COL27A1: variants seen among roughly 807,000 people sequenced by gnomAD.
The protein encoded by COL27A1 is collagen type XXVII alpha 1 chain.
COL27A1 carries 106 observed loss-of-function variants against 251.3 expected under a neutral mutation model. The ratio of observed to expected loss-of-function variants is 0.42; its 90% CI spans 0.36 to 0.50. COL27A1 has a LOEUF of 0.50. Among genes scored for constraint, COL27A1 ranks in the 20% least tolerant of loss-of-function variants. The pLI is 0.00. For missense variants in COL27A1, 2,325 were observed against 2,522.8 expected, an observed-to-expected ratio of 0.92 and a Z score of 1.68; for synonymous variants, 1,000 against 986.3, an observed-to-expected ratio of 1.01 and a Z score of -0.26.
At chr9:114,163,642 C>T (rs918937919) in intron 2 of COL27A1, among the ~76,000 whole-genome samples, 1 of 152,226 alleles carries the variant, frequency 6.6e-6, no homozygotes, top group Non-Finnish European at 1.5e-5. Flanking sequence ...CACGCCCAGC[C>T]CGTGTGCTGG....
chr9:114,202,185 T>C (rs1829626107), intron 7 of COL27A1, among the ~76,000 whole-genome samples: 2 of 152,244 alleles, frequency 1.3e-5, no homozygotes, highest in African/African-American at 4.8e-5. Flanking sequence ...AATCTTCTCC[T>C]GGGATTTCAC....
chr9:114,155,928 G>T lies in COL27A1; in HGVS notation c.-23G>T. On this transcript the variant is annotated 5_prime_UTR_variant, in exon 1 of 61. The change creates a premature stop within an existing upstream ORF in the 5' untranslated region. Transcript: ENST00000356083. The surrounding 1 kb of genome is among the most constrained non-coding windows in gnomAD (Gnocchi z 5.5). The stretch of plus-strand genomic sequence containing the variant: ...CGCCCACACTTGCCCCCCGGGCTCG[G>T]GAGCATGAAGTAGGGGCCTGCCATG... 1 of 1,241,600 alleles carries T rather than the reference G, an allele frequency of 8.1e-7. No homozygotes were observed. 76.9% of individuals were successfully genotyped at this position (1,241,600 alleles called of 1,614,324 possible).
In COL27A1 at chr9:114,167,958, A is replaced by G; in HGVS notation, c.403A>G (p.Thr135Ala). ...GGGCCTGCAGTTCCTCCCCGGCAAG[A>G]CGGTCGTCCACCTCGGGTCCCGGCG... The part of the protein sequence containing the change: ...QLGLQFLPGK[T>A]VVHLGSRRSV... Residue 135 changes from threonine (T) to alanine (A), a missense_variant, in exon 3 of 61, where the codon ACG becomes GCG. Thr to Ala is a moderately conservative substitution (Grantham distance 58, BLOSUM62 0). This residue lies in a region of COL27A1 where 1,183 missense variants were observed against 1,144.1 expected (regional missense o/e 1.03). Coordinates refer to ENST00000356083, the MANE Select transcript of COL27A1 (RefSeq NM_032888.4). 1 of 1,607,728 alleles carries G rather than the reference A, an allele frequency of 6.2e-7. No individual in the cohort carries two copies. The highest frequency in any genetic ancestry group is 8.5e-7 in the Non-Finnish European group (1 of 1,179,830).
At chr9:114,204,905 C>A (rs1004458603) in intron 7 of COL27A1, among the ~76,000 whole-genome samples, 197 bp from the exon 8 acceptor site, 4 of 152,156 alleles carry the variant, frequency 2.6e-5, no homozygotes, top group Admixed American at 2.6e-4. Flanking sequence ...CCACTGGGAG[C>A]AGAGAGAAAA....
chr9:114,302,132 G>A lies in COL27A1; in HGVS notation c.4872+24G>A, dbSNP rs2131667683. 1.9e-6 allele frequency: 3 copies of A among 1,603,644 alleles called. No homozygotes were observed. The East Asian group carries it at 6.7e-5, about 36-fold the overall frequency. ...TGGTAAGTTGGAAACCTTCTCTTTT[G>A]CCTACTTGGGGTAAGGCCTGAGGGG... On this transcript the variant is annotated intron_variant, in intron 56 of 60. Coordinates refer to ENST00000356083, the MANE Select transcript of COL27A1 (RefSeq NM_032888.4).
chr9:114,206,368 G>T lies in COL27A1; in HGVS notation c.2268+72G>T, dbSNP rs938840612. 4.7e-6 allele frequency: 7 copies of T among 1,491,266 alleles called. No individual in the cohort carries two copies. The African/African-American group carries it at 6.9e-5, about 15-fold the overall frequency. 92.4% of individuals were successfully genotyped at this position (1,491,266 alleles called of 1,614,324 possible). ...CATCACCTGTCCCTCCAGTGGGCTT[G>T]ATGGGAGGTCAGAGCTATAAGGAGA... On this transcript the variant is annotated intron_variant, in intron 10 of 60. Transcript: ENST00000356083.
chr9:114,222,032 T>C (rs1242107491), intron 13 of COL27A1, among the ~76,000 whole-genome samples, 191 bp from the exon 14 acceptor site: 5 of 152,216 alleles, frequency 3.3e-5, no homozygotes, highest in African/African-American at 1.2e-4. Flanking sequence ...GGAAAGCTGA[T>C]GGCAGAGAGG....
At chr9:114,278,598 A>AGGG (rs542926675) in intron 37 of COL27A1, among the ~76,000 whole-genome samples, 2 of 133,968 alleles carry the variant, frequency 1.5e-5, no homozygotes, top group African/African-American at 5.7e-5. Context: ...TGGGGGTGGG[A>AGGG]GTGGTGATGA....
At chr9:114,249,860 T>A (rs1262401019) in intron 24 of COL27A1, among the ~76,000 whole-genome samples, 2 of 152,178 alleles carry the variant, frequency 1.3e-5, no homozygotes, top group Non-Finnish European at 2.9e-5. Context: ...CACAAGGCCC[T>A]CCCGGCTCAG....
intron 27 of COL27A1, among the ~76,000 whole-genome samples, chr9:114,253,523 A>G (rs1833713158): frequency 9.1e-6 from 1 of 110,424 alleles, no homozygotes; most frequent in African/African-American, 3.0e-5. Context: ...ACAGAAGAAC[A>G]GAAGAGAAGA....
chr9:114,215,745 T>G (rs997354951), intron 12 of COL27A1, among the ~76,000 whole-genome samples: 8 of 152,158 alleles, frequency 5.3e-5, no homozygotes, highest in Admixed American at 3.9e-4. Flanking sequence ...TTTGCGGGCT[T>G]CTCCTAGAGG....
chr9:114,160,218 G>A (rs1408965025), intron 1 of COL27A1, among the ~76,000 whole-genome samples: 1 of 150,470 alleles, frequency 6.6e-6, no homozygotes, highest in Admixed American at 6.7e-5. Flanking sequence ...GCAGTGGCAT[G>A]AACTTGGCTC....
At chr9:114,213,887 T>A (rs1407689415) in intron 12 of COL27A1, among the ~76,000 whole-genome samples, 2 of 152,198 alleles carry the variant, frequency 1.3e-5, no homozygotes, top group Non-Finnish European at 2.9e-5. Context: ...TAGGCTCTGA[T>A]CTTCATGACA....
At chr9:114,301,225 C>A in intron 52 of COL27A1, 59 bp from the exon 53 acceptor site, 1 of 1,609,490 alleles carries the variant, frequency 6.2e-7, no homozygotes, top group South Asian at 1.1e-5. Flanking sequence ...TCAGTTTCCT[C>A]ATCTGGAAAT....
At chr9:114,280,822 A>G (rs996371477) in intron 37 of COL27A1, among the ~76,000 whole-genome samples, 5 of 152,316 alleles carry the variant, frequency 3.3e-5, no homozygotes, top group Non-Finnish European at 7.3e-5. Flanking sequence ...ATCATAGTTG[A>G]TGCCGCATTA....
chr9:114,252,931 AG>A lies in COL27A1; in HGVS notation c.3141+1del. 1.9e-6 allele frequency: 3 copies of A among 1,612,152 alleles called. No individual in the cohort carries two copies. Among genetic ancestry groups the A allele is most frequent in the Non-Finnish European group, 2.5e-6 (3 of 1,178,786 alleles). ...GGGACCCCTGGAGAGCCTGGACCCC[AG>A]GTAAGCAAAGCCCTCGTGATCCCTA... The part of the protein sequence containing the change: ...GMGTPGEPGP[Q>X]GPPGSRGPPG... On this transcript the variant is annotated frameshift_variant and splice_region_variant, in exon 27 of 61. Transcript: ENST00000356083. LOFTEE classifies it high-confidence loss of function.
intron 34 of COL27A1, chr9:114,268,784 A>G (rs909996443): frequency 1.9e-5 from 3 of 154,514 alleles, no homozygotes; most frequent in Non-Finnish European, 4.3e-5. Context: ...AAAAATTTAA[A>G]AATCTGCCGG....
At chr9:114,303,661 T>C (rs531995382) in intron 56 of COL27A1, among the ~76,000 whole-genome samples, 1 of 152,314 alleles carries the variant, frequency 6.6e-6, no homozygotes, top group South Asian at 2.1e-4. Context: ...TTTCCCCAGA[T>C]TATGCAGTTA....
intron 16 of COL27A1, 110 bp downstream of exon 16, chr9:114,231,976 TG>T: frequency 9.5e-7 from 1 of 1,049,940 alleles, no homozygotes; most frequent in Non-Finnish European, 1.5e-6. Flanking sequence ...GCACTCTTCC[TG>T]CCTCTCCTCT....
Sources: gnomAD v4.1 joint callset for allele counts (sites outside exome capture counted in the v4.1 genomes callset) on GRCh38, gnomAD v4.1.1 for gene constraint, gnomAD v4.1.1 regional missense constraint, Gnocchi (gnomAD v3.1) non-coding constraint, MANE v1.5 for transcripts, NCBI Gene and HGNC (gene_info 2026-07-23, HGNC 2026-07-21) for gene names.